The following TGFBRAP1 variants were observed in gnomAD, a reference collection of about 807,000 sequenced individuals.
TGFBRAP1 encodes the protein transforming growth factor-beta receptor-associated protein 1.
In TGFBRAP1, 20 loss-of-function variants were observed where a neutral mutation model predicts 83.2. The ratio of observed to expected loss-of-function variants is 0.24; its 90% confidence interval spans 0.17 to 0.35. TGFBRAP1 has a LOEUF of 0.35. TGFBRAP1 is among the 10% of genes least tolerant of loss of function. The pLI is 1.00. For synonymous variants in TGFBRAP1, 415 were observed against 459.8 expected (o/e 0.90, Z 1.25); for missense variants, 950 against 1,099.4 (o/e 0.86, Z 1.92).
chr2:105,290,262 T>C (rs1677858323), intron 4 of TGFBRAP1, among the ~76,000 whole-genome samples: 2 of 152,164 alleles, frequency 1.3e-5, no homozygotes, highest in African/African-American at 4.8e-5. Flanking sequence ...AGATGGGGTT[T>C]CACCATGCTG....
At chr2:105,314,569 G>T (rs1357083743) in intron 1 of TGFBRAP1, among the ~76,000 whole-genome samples, 2 of 151,882 alleles carry the variant, frequency 1.3e-5, no homozygotes, top group South Asian at 4.2e-4. Context: ...ACTTTCTTAC[G>T]GCAGCCCTAG....
At chr2:105,328,870 G>T (rs2104430219) in intron 1 of TGFBRAP1, among the ~76,000 whole-genome samples, 1 of 152,274 alleles carries the variant, frequency 6.6e-6, no homozygotes. Flanking sequence ...AGAAGCCACG[G>T]CAGGTGCAGA....
intron 1 of TGFBRAP1, chr2:105,325,012 T>A (rs1181764636): frequency 6.6e-6 from 1 of 152,262 alleles, no homozygotes; most frequent in Non-Finnish European, 1.5e-5. Flanking sequence ...CTGTGTTCTC[T>A]ATAAAACAGA....
At chr2:105,284,891 C>T (rs1677662284) in intron 4 of TGFBRAP1, among the ~76,000 whole-genome samples, 1 of 152,236 alleles carries the variant, frequency 6.6e-6, no homozygotes, top group African/African-American at 2.4e-5. Context: ...GTCCAACCCA[C>T]ATGAACACAC....
At chr2:105,276,718 C>T (rs1677363273) in intron 7 of TGFBRAP1, among the ~76,000 whole-genome samples, 2 of 152,128 alleles carry the variant, frequency 1.3e-5, no homozygotes, top group Admixed American at 1.3e-4. Flanking sequence ...AAAATTTTAT[C>T]ACTGACACCC....
At chr2:105,260,283 G>A (rs982765075), downstream of TGFBRAP1, among the ~76,000 whole-genome samples, 6 of 152,214 alleles carry the variant, frequency 3.9e-5, no homozygotes, top group East Asian at 1.9e-4. Context: ...GGTGGCATGC[G>A]CCTATAATCC....
At chr2:105,261,683 TA>T (rs1676791347), downstream of TGFBRAP1, among the ~76,000 whole-genome samples, 1 of 151,106 alleles carries the variant, frequency 6.6e-6, no homozygotes, top group African/African-American at 2.4e-5. Flanking sequence ...ACCCGGGAGG[TA>T]GAAGTCACAG....
intron 4 of TGFBRAP1, among the ~76,000 whole-genome samples, chr2:105,290,011 C>T (rs1235035814): frequency 1.3e-5 from 2 of 152,128 alleles, no homozygotes; most frequent in Admixed American, 6.5e-5. Flanking sequence ...TTGTGCATAC[C>T]GCTATATGAG....
At chr2:105,303,347 AC>A (rs1678370050) in intron 2 of TGFBRAP1, among the ~76,000 whole-genome samples, 1 of 152,244 alleles carries the variant, frequency 6.6e-6, no homozygotes, top group Admixed American at 6.5e-5. Flanking sequence ...AGCAGTAAGC[AC>A]CTCTGGCTCC....
At chr2:105,298,367 GC>G in intron 3 of TGFBRAP1, 143 bp downstream of exon 3, 1 of 780,040 alleles carries the variant, frequency 1.3e-6, no homozygotes, top group Non-Finnish European at 1.9e-6. Flanking sequence ...TAACTGTGCA[GC>G]CCCTGAAGCA....
intron 4 of TGFBRAP1, 78 bp from the exon 5 acceptor site, chr2:105,284,476 T>A: frequency 1.5e-6 from 2 of 1,294,950 alleles, no homozygotes; most frequent in African/African-American, 1.5e-5. Context: ...TAACCCTAGA[T>A]AAGTGTTCGT....
Position 105,284,406 on chromosome 2 carries a change from G to T in TGFBRAP1, c.1039-8C>A. 2.5e-6 allele frequency: 4 copies of T among 1,613,624 alleles called. No homozygotes were observed. Among genetic ancestry groups the T allele is most frequent in the Non-Finnish European group, 3.4e-6 (4 of 1,179,630 alleles). On this transcript the variant is annotated splice_region_variant and splice_polypyrimidine_tract_variant and intron_variant, in intron 4 of 11. Coordinates refer to ENST00000393359, the MANE Select transcript of TGFBRAP1 (RefSeq NM_004257.6). ...AATCCTTCTGTACATTACCTGCAAG[G>T]AAAGACGGGTGTAATCTCTTAGTGA...
At chr2:105,326,073 A>G (rs1339565098) in intron 1 of TGFBRAP1, among the ~76,000 whole-genome samples, 1 of 152,234 alleles carries the variant, frequency 6.6e-6, no homozygotes, top group Non-Finnish European at 1.5e-5. Context: ...CTAACTTGTC[A>G]TCTTAATATT....
chr2:105,260,858 G>A (rs544341746), downstream of TGFBRAP1, among the ~76,000 whole-genome samples: 3 of 152,244 alleles, frequency 2.0e-5, no homozygotes, highest in African/African-American at 7.2e-5. Context: ...ATGATAACCT[G>A]TCTTTTTTGG....
chr2:105,326,128 C>G (rs1558659405), intron 1 of TGFBRAP1, among the ~76,000 whole-genome samples: 1 of 152,022 alleles, frequency 6.6e-6, no homozygotes, highest in Non-Finnish European at 1.5e-5. Flanking sequence ...TAGTTGGTAT[C>G]CTTTTTACTG....
At chr2:105,328,233 C>G (rs948286459) in intron 1 of TGFBRAP1, among the ~76,000 whole-genome samples, 2 of 152,200 alleles carry the variant, frequency 1.3e-5, no homozygotes, top group Non-Finnish European at 2.9e-5. Context: ...AACCCACACT[C>G]CACATTCATT....
chr2:105,289,257 C>T (rs1333128015), intron 4 of TGFBRAP1, among the ~76,000 whole-genome samples: 1 of 151,950 alleles, frequency 6.6e-6, no homozygotes, highest in Non-Finnish European at 1.5e-5. Context: ...AAAATTGCAA[C>T]ACTGGTGACT....
intron 1 of TGFBRAP1, among the ~76,000 whole-genome samples, chr2:105,322,180 GA>G (rs999232512): frequency 8.8e-5 from 13 of 148,386 alleles, no homozygotes; most frequent in African/African-American, 2.2e-4. Flanking sequence ...AAAGTTTAAA[GA>G]AAAAAAAAGA....
In TGFBRAP1 at chr2:105,309,512, T is replaced by C. The variant is rs368937324; in HGVS notation, c.-17-1194A>G. 2.6e-5 allele frequency among the ~76,000 whole-genome samples: 4 copies of C among 152,192 alleles called. No individual in the cohort carries two copies. The East Asian group carries it at 5.8e-4, about 22-fold the overall frequency. ...GAAATATTCAAGAAAGGTTCACGCA[T>C]CAGGGAAGGGAAGGAATCAGAGAAC... On this transcript the variant is annotated intron_variant, in intron 1 of 11. Transcript: ENST00000393359.
Sources: gnomAD v4.1 joint callset for allele counts (sites outside exome capture counted in the v4.1 genomes callset) on GRCh38, gnomAD v4.1.1 for gene constraint, MANE v1.5 for transcripts, NCBI Gene and HGNC (gene_info 2026-07-23, HGNC 2026-07-21) for gene names.